The following PPM1B variants were observed in gnomAD, a reference collection of about 807,000 sequenced individuals.
PPM1B encodes protein phosphatase, Mg2+/Mn2+ dependent 1B, also known as protein phosphatase 1B.
Under a neutral mutation model 43.0 loss-of-function variants are expected in PPM1B, and 22 were observed. The ratio of observed to expected loss-of-function variants is 0.51; its 90% CI spans 0.37 to 0.73. PPM1B has a LOEUF of 0.73. PPM1B is among the 30% of genes least tolerant of loss of function. The pLI is 0.00. For missense variants in PPM1B, 632 were observed against 584.2 expected (o/e 1.08, Z -0.84); for synonymous variants, 217 against 197.9 (o/e 1.10, Z -0.81).
chr2:44,240,004 T>G (rs1239304765), intron 5 of PPM1B, among the ~76,000 whole-genome samples: 2 of 146,914 alleles, frequency 1.4e-5, no homozygotes, highest in Non-Finnish European at 3.0e-5. Context: ...ATATTTAAAT[T>G]TAGTTCCTTT....
At chr2:44,205,352 T>TGGGTGTGTGTGTCG (rs1553333025) in intron 2 of PPM1B, among the ~76,000 whole-genome samples, 6 of 143,300 alleles carry the variant, frequency 4.2e-5, no homozygotes, top group African/African-American at 1.6e-4. Context: ...GGTGTGGGTG[T>TGGGTGTGTGTGTCG]GGGTGTGTGT....
downstream of PPM1B, among the ~76,000 whole-genome samples, chr2:44,236,744 C>G (rs537663327): frequency 2.0e-5 from 3 of 152,246 alleles, no homozygotes; most frequent in East Asian, 5.8e-4. Context: ...ATATCTTTTG[C>G]TGACCAAATA....
chr2:44,181,316 G>C (rs1459990069), intron 1 of PPM1B, among the ~76,000 whole-genome samples: 1 of 152,188 alleles, frequency 6.6e-6, no homozygotes, highest in African/African-American at 2.4e-5. Context: ...AAAACTGACT[G>C]TGAGGTGGGA....
chr2:44,226,160 A>C (rs1204322085), intron 5 of PPM1B, among the ~76,000 whole-genome samples: 1 of 151,904 alleles, frequency 6.6e-6, no homozygotes, highest in Middle Eastern at 3.2e-3. Flanking sequence ...TATTTTTAGT[A>C]GAGACAGGGT....
At chr2:44,208,354 G>T (rs148252187) in intron 2 of PPM1B, among the ~76,000 whole-genome samples, 2,590 of 152,298 alleles carry the variant, frequency 0.017, 29 homozygotes, top group Admixed American at 0.025. Context: ...CATGACTACA[G>T]TTGGATCTCA....
At chr2:44,235,506 G>A (rs555831263), downstream of PPM1B, among the ~76,000 whole-genome samples, 1 of 150,462 alleles carries the variant, frequency 6.6e-6, no homozygotes, top group Non-Finnish European at 1.5e-5. Flanking sequence ...GGGAGGCTGA[G>A]CCAGGATAAT....
intron 3 of PPM1B, among the ~76,000 whole-genome samples, chr2:44,212,355 C>A (rs1043302221): frequency 2.0e-5 from 3 of 152,196 alleles, no homozygotes; most frequent in African/African-American, 4.8e-5. Flanking sequence ...ATGCATATGC[C>A]TTCCTCACTC....
chr2:44,234,787 A>G (rs1670567884), downstream of PPM1B: 1 of 176,598 alleles, frequency 5.7e-6, no homozygotes, highest in Non-Finnish European at 1.1e-5. Context: ...GAAATTATAC[A>G]TACTGTTTTA....
intron 1 of PPM1B, among the ~76,000 whole-genome samples, chr2:44,188,301 T>G (rs1309779281): frequency 6.6e-6 from 1 of 152,176 alleles, no homozygotes; most frequent in Non-Finnish European, 1.5e-5. Context: ...ATTTCTGATT[T>G]AAAAGAAGAA....
intron 1 of PPM1B, among the ~76,000 whole-genome samples, chr2:44,181,584 A>C (rs974256850): frequency 1.3e-5 from 2 of 152,192 alleles, no homozygotes; most frequent in African/African-American, 4.8e-5. Flanking sequence ...GAGACACTGA[A>C]AAACAAGATT....
chr2:44,191,373 C>G (rs1452236684), intron 1 of PPM1B, among the ~76,000 whole-genome samples: 1 of 152,080 alleles, frequency 6.6e-6, no homozygotes, highest in Admixed American at 6.6e-5. Flanking sequence ...GCCACTATGC[C>G]TGGTTAATTT....
At chr2:44,229,165 A>C (rs1406085026) in intron 5 of PPM1B, among the ~76,000 whole-genome samples, 2 of 151,696 alleles carry the variant, frequency 1.3e-5, no homozygotes, top group Non-Finnish European at 2.9e-5. Context: ...CTGGGCAACA[A>C]GAGTGAAACT....
chr2:44,182,001 A>G (rs1292576684), intron 1 of PPM1B, among the ~76,000 whole-genome samples: 1 of 152,238 alleles, frequency 6.6e-6, no homozygotes, highest in Non-Finnish European at 1.5e-5. Context: ...AAGTCAACAC[A>G]ACTGTTAAGA....
At chr2:44,215,666 C>T (rs538688502) in intron 3 of PPM1B, among the ~76,000 whole-genome samples, 1 of 152,088 alleles carries the variant, frequency 6.6e-6, no homozygotes, top group African/African-American at 2.4e-5. Context: ...AATAGTAGTT[C>T]ACCTGAATTG....
At chr2:44,182,727 C>A (rs1667942914) in intron 1 of PPM1B, among the ~76,000 whole-genome samples, 1 of 152,124 alleles carries the variant, frequency 6.6e-6, no homozygotes, top group African/African-American at 2.4e-5. Context: ...CTTTCTTTGA[C>A]TCTAGGGGCT....
chr2:44,242,231 A>G (rs971416713), intron 5 of PPM1B, among the ~76,000 whole-genome samples: 1 of 152,072 alleles, frequency 6.6e-6, no homozygotes, highest in Admixed American at 6.5e-5. Context: ...AACATATAAA[A>G]GAATGGTACG....
At chr2:44,226,467 C>G (rs1280706482) in intron 5 of PPM1B, among the ~76,000 whole-genome samples, 1 of 152,144 alleles carries the variant, frequency 6.6e-6, no homozygotes, top group Non-Finnish European at 1.5e-5. Flanking sequence ...AAGTCCACCT[C>G]CAAATTGAGT....
chr2:44,229,135 A>G (rs1670358121), intron 5 of PPM1B, among the ~76,000 whole-genome samples: 1 of 151,718 alleles, frequency 6.6e-6, no homozygotes, highest in Non-Finnish European at 1.5e-5. Context: ...TGAGCCGAGA[A>G]CATGCCATTG....
At chr2:44,218,825 C>T in intron 5 of PPM1B, 2 of 465,862 alleles carry the variant, frequency 4.3e-6, no homozygotes, top group Non-Finnish European at 8.4e-6. Flanking sequence ...TCCTTCTTCT[C>T]CTTTAAACCT....
Sources: gnomAD v4.1 joint callset for allele counts (sites outside exome capture counted in the v4.1 genomes callset) on GRCh38, gnomAD v4.1.1 for gene constraint, MANE v1.5 for transcripts, NCBI Gene and HGNC (gene_info 2026-07-23, HGNC 2026-07-21) for gene names.